The following APOOL variants were observed in gnomAD, a reference collection of about 807,000 sequenced individuals.
APOOL encodes apolipoprotein O like, also known as MICOS complex subunit MIC27.
In APOOL, 12 loss-of-function variants were observed where a neutral mutation model predicts 23.1. The ratio of observed to expected loss-of-function variants is 0.52; its 90% CI spans 0.33 to 0.84. The LOEUF is 0.84. APOOL is among the 40% of genes least tolerant of loss of function. The pLI, the probability that APOOL is intolerant of heterozygous loss-of-function variation, is 0.02. For missense variants in APOOL, 212 were observed against 199.6 expected (o/e 1.06, Z -0.37); for synonymous variants, 77 against 69.9 (o/e 1.10, Z -0.51).
intron 1 of APOOL, among the ~76,000 whole-genome samples, chrX:85,032,129 AAAAATACTCAT>A (rs1215346287): frequency 8.9e-6 from 1 of 112,352 alleles, no homozygotes; most frequent in African/African-American, 3.2e-5. Flanking sequence ...AAATGTCTAA[AAAAATACTCAT>A]AAAATACTTT....
chrX:85,021,594 T>C (rs1204025432), intron 1 of APOOL, among the ~76,000 whole-genome samples: 1 of 111,243 alleles, frequency 9.0e-6, no homozygotes, highest in Non-Finnish European at 1.9e-5. Flanking sequence ...ATCCCAGTGG[T>C]CCCAGGTGCC....
At chrX:85,080,983 T>C (rs902306302) in intron 8 of APOOL, among the ~76,000 whole-genome samples, 1 of 111,288 alleles carries the variant, frequency 9.0e-6, no homozygotes, top group African/African-American at 3.3e-5. Flanking sequence ...AGCCTATGTG[T>C]GTCTCTGCAT....
At chrX:85,027,420 A>T (rs1218598169) in intron 1 of APOOL, among the ~76,000 whole-genome samples, 3 of 111,334 alleles carry the variant, frequency 2.7e-5, no homozygotes. Flanking sequence ...GACGTTTTAG[A>T]TAATATATTG....
intron 1 of APOOL, among the ~76,000 whole-genome samples, chrX:85,010,295 C>T: frequency 8.9e-6 from 1 of 112,025 alleles, no homozygotes; most frequent in Middle Eastern, 4.6e-3. Context: ...AGCATCTTTT[C>T]ATACGCTTAT....
At chrX:85,050,279 A>G (rs1922718363) in intron 2 of APOOL, among the ~76,000 whole-genome samples, 1 of 111,873 alleles carries the variant, frequency 8.9e-6, no homozygotes, top group South Asian at 3.7e-4. Flanking sequence ...AAAAACTGAC[A>G]TAAAATTGTA....
At position 85,046,499 on chromosome X, in the gene APOOL, A is replaced by C. The variant is rs761839018; in HGVS notation, c.69A>C (p.Val23=). 8.3e-7 allele frequency: 1 copy of C among 1,209,989 alleles called. No individual in the cohort carries two copies. Residue 23 remains valine (V), a synonymous_variant, in exon 2 of 9, where the codon GTA becomes GTC. Transcript: ENST00000373173. ...GTCTGATATATGCATCTGTAAGTGTACATGCAGCCAAACAAGAGGAATCCA... is the reference window on the plus strand; with the variant it reads ...GTCTGATATATGCATCTGTAAGTGTCCATGCAGCCAAACAAGAGGAATCCA... ...PAGLIYASVS[V]HAAKQEESKK...
intron 5 of APOOL, among the ~76,000 whole-genome samples, chrX:85,063,436 TG>T (rs1201240354): frequency 1.8e-5 from 2 of 111,652 alleles, no homozygotes; most frequent in African/African-American, 6.5e-5. Context: ...ATCCTTGTCT[TG>T]TGCCAGTTTT....
rs1924428285 is a variant in APOOL at position 85,088,240 on chromosome X, A to ATACATATTTATACATATATATG, written c.*564_*565insCATATTTATACATATATATGTA. The ATACATATTTATACATATATATG allele has an allele frequency of 1.8e-5, 1 of 54,269 alleles. No individual in the cohort carries two copies. Among genetic ancestry groups the ATACATATTTATACATATATATG allele is most frequent in the African/African-American group, 7.0e-5 (1 of 14,219 alleles). 4.5% of individuals were successfully genotyped at this position (54,269 alleles called of 1,213,427 possible). A position where few individuals can be genotyped will look rare whatever the true frequency, so the allele number is the denominator to read the frequency against. On this transcript the variant is annotated 3_prime_UTR_variant, in exon 9 of 9. Transcript: ENST00000373173. ...TACATACATATTTATACATATAAAC[A>ATACATATTTATACATATATATG]TATATTTCTGCTCTAGCTTTCCCAG...
intron 1 of APOOL, among the ~76,000 whole-genome samples, chrX:85,028,455 A>T (rs1288715299): frequency 9.0e-6 from 1 of 111,438 alleles, no homozygotes; most frequent in East Asian, 2.8e-4. Context: ...AGATATTTTG[A>T]CGTAGGCATG....
intron 5 of APOOL, among the ~76,000 whole-genome samples, chrX:85,063,793 C>T (rs374611440): frequency 8.1e-5 from 9 of 111,039 alleles, no homozygotes; most frequent in Middle Eastern, 4.6e-3. Context: ...ATTTTTGCAT[C>T]GATGTTCATC....
At chrX:85,077,226 G>T (rs1451406509) in intron 8 of APOOL, among the ~76,000 whole-genome samples, 1 of 106,258 alleles carries the variant, frequency 9.4e-6, no homozygotes, top group Non-Finnish European at 1.9e-5. Context: ...TCATTTACGT[G>T]AGGTATTTCT....
chrX:85,013,952 C>CT (rs1013278774), intron 1 of APOOL, among the ~76,000 whole-genome samples: 2 of 111,125 alleles, frequency 1.8e-5, no homozygotes, highest in Non-Finnish European at 3.8e-5. Flanking sequence ...GTGTTGCTGT[C>CT]TATCTCATTT....
At chrX:85,072,572 C>G (rs949982996) in intron 6 of APOOL, among the ~76,000 whole-genome samples, 2 of 110,804 alleles carry the variant, frequency 1.8e-5, no homozygotes, top group Non-Finnish European at 3.8e-5. Context: ...CTTGCCATCT[C>G]CCTACCCCCA....
At chrX:85,063,830 T>C (rs1023735881) in intron 5 of APOOL, among the ~76,000 whole-genome samples, 1 of 110,578 alleles carries the variant, frequency 9.0e-6, no homozygotes, top group Admixed American at 9.7e-5. Flanking sequence ...AGTTTTCTTT[T>C]CTTTTCTTTT....
chrX:85,087,566 C>A (rs747676371), intron 8 of APOOL, 24 bp from the exon 9 acceptor site: 4 of 1,157,158 alleles, frequency 3.5e-6, no homozygotes, highest in Non-Finnish European at 4.6e-6. Context: ...ACTAATTTTT[C>A]TTTTCATTTT....
At chrX:85,053,262 C>T (rs1176968089) in intron 3 of APOOL, among the ~76,000 whole-genome samples, 1 of 111,288 alleles carries the variant, frequency 9.0e-6, no homozygotes, top group Non-Finnish European at 1.9e-5. Flanking sequence ...GATTCCCAAT[C>T]GACTGGTCAA....
intron 1 of APOOL, among the ~76,000 whole-genome samples, chrX:85,011,693 G>A (rs759540919): frequency 1.2e-4 from 13 of 111,787 alleles, no homozygotes; most frequent in African/African-American, 3.9e-4. Context: ...GTGTTCCATT[G>A]GTCTACGTGC....
chrX:85,076,462 C>T (rs1393897091), intron 8 of APOOL, among the ~76,000 whole-genome samples: 1 of 110,287 alleles, frequency 9.1e-6, no homozygotes, highest in Non-Finnish European at 1.9e-5. Flanking sequence ...AAGCCTCAGT[C>T]TCCTCATTCA....
At chrX:85,068,170 A>G (rs1923532779) in intron 6 of APOOL, among the ~76,000 whole-genome samples, 1 of 111,598 alleles carries the variant, frequency 9.0e-6, no homozygotes, top group African/African-American at 3.2e-5. Context: ...TTTCTTAATA[A>G]TTTACATAGG....
Sources: allele counts gnomAD v4.1 joint callset (sites outside exome capture counted in the v4.1 genomes callset), GRCh38; gene constraint gnomAD v4.1.1; transcripts MANE v1.5; gene names NCBI Gene and HGNC (gene_info 2026-07-23, HGNC 2026-07-21).